The following NR1H4 variants were observed in gnomAD, a reference collection of about 807,000 sequenced individuals.
NR1H4 encodes nuclear receptor subfamily 1 group H member 4.
NR1H4 carries 23 observed loss-of-function variants against 58.5 expected under a neutral mutation model. The ratio of observed to expected loss-of-function variants is 0.39; its 90% confidence interval spans 0.28 to 0.56. The LOEUF (loss-of-function observed/expected upper bound fraction) is 0.56, where lower values mean the gene tolerates loss of function less well. Ranked by LOEUF, NR1H4 falls within the 20% of genes least tolerant of loss-of-function variation. NR1H4 has a pLI of 0.58. For missense variants in NR1H4, 487 were observed against 576.9 expected, an observed-to-expected ratio of 0.84 and a Z score of 1.60; for synonymous variants, 214 against 198.0, an observed-to-expected ratio of 1.08 and a Z score of -0.68.
intron 3 of NR1H4, among the ~76,000 whole-genome samples, chr12:100,497,074 A>G (rs867613759): frequency 2.0e-5 from 3 of 152,140 alleles, no homozygotes; most frequent in Admixed American, 6.5e-5. Context: ...AGGGAAAACC[A>G]AAGAGGTCAG....
In NR1H4 at chr12:100,551,071, T is replaced by C. The variant is rs1375194806; in HGVS notation, c.1078+10253T>C. ...CTCAGAGCCCAGCACTCTTTCTATA[T>C]GTGGCATCTGTCACTCACCAATTTC... On this transcript the variant is annotated intron_variant, in intron 9 of 10. Transcript: ENST00000392986. Among the ~76,000 whole-genome samples the C allele has an allele frequency of 3.3e-5, 5 of 152,206 alleles. No homozygotes were observed. The East Asian group carries it at 9.6e-4, about 29-fold the overall frequency.
chr12:100,562,075 T>G, intron 10 of NR1H4, 77 bp downstream of exon 10: 1 of 755,600 alleles, frequency 1.3e-6, no homozygotes, highest in South Asian at 1.5e-5. Context: ...GAAAAAAATC[T>G]GGAAAACATA....
At chr12:100,498,376 T>C (rs1953759944) in intron 3 of NR1H4, among the ~76,000 whole-genome samples, 1 of 152,170 alleles carries the variant, frequency 6.6e-6, no homozygotes, top group Non-Finnish European at 1.5e-5. Flanking sequence ...CGGGGGCTCA[T>C]GCCTGTAATC....
At chr12:100,527,429 A>T (rs1450091059) in intron 4 of NR1H4, among the ~76,000 whole-genome samples, 1 of 152,188 alleles carries the variant, frequency 6.6e-6, no homozygotes, top group Non-Finnish European at 1.5e-5. Flanking sequence ...GCTACTCAGG[A>T]GGCTGAGGTG....
At chr12:100,521,308 G>A (rs1954411318) in intron 4 of NR1H4, among the ~76,000 whole-genome samples, 1 of 152,084 alleles carries the variant, frequency 6.6e-6, no homozygotes, top group African/African-American at 2.4e-5. Flanking sequence ...TAATAACTTG[G>A]GAACACAAGC....
At position 100,500,804 on chromosome 12, in the gene NR1H4, G is replaced by A. The variant is rs188438927; in HGVS notation, c.79+7402G>A. On this transcript the variant is annotated intron_variant, in intron 3 of 10. Coordinates refer to ENST00000392986, the MANE Select transcript of NR1H4 (RefSeq NM_001206979.2). ...TTGCTGCCCTTTCACCTTCTACCAC[G>A]ATTATAAGTTTCCTGAGACTTCCCC... is the stretch of plus-strand genomic sequence containing the variant. 3.0e-3 allele frequency among the ~76,000 whole-genome samples: 462 copies of A among 152,162 alleles called. 5 individuals carry two copies. Among genetic ancestry groups the A allele is most frequent in the Non-Finnish European group, 4.9e-4 (33 of 68,016 alleles).
chr12:100,508,814 C>A (rs1473356321), intron 3 of NR1H4, among the ~76,000 whole-genome samples: 1 of 152,172 alleles, frequency 6.6e-6, no homozygotes, highest in East Asian at 1.9e-4. Context: ...CCCCAAAAAA[C>A]CACGTTTTTC....
chr12:100,532,327 G>C, intron 4 of NR1H4, 131 bp from the exon 5 acceptor site: 1 of 746,512 alleles, frequency 1.3e-6, no homozygotes, highest in Non-Finnish European at 2.4e-6. Flanking sequence ...TGTCACTGGT[G>C]TGCTCAAGGA....
chr12:100,553,999 G>T (rs528663623), intron 9 of NR1H4, among the ~76,000 whole-genome samples: 76 of 152,340 alleles, frequency 5.0e-4, no homozygotes, highest in African/African-American at 1.8e-3. Flanking sequence ...ACCTTGGGCT[G>T]GAGCTGGGAT....
chr12:100,515,981 A>G (rs1954255369), intron 4 of NR1H4, among the ~76,000 whole-genome samples: 1 of 152,226 alleles, frequency 6.6e-6, no homozygotes, highest in Non-Finnish European at 1.5e-5. Context: ...ATTTCTGGGA[A>G]AGGGGCCCAA....
At chr12:100,525,385 A>G (rs544582665) in intron 4 of NR1H4, 2 of 152,268 alleles carry the variant, frequency 1.3e-5, no homozygotes, top group East Asian at 3.9e-4. Flanking sequence ...TACGTTGGAG[A>G]TAGGGCTTGG....
chr12:100,559,887 G>A (rs1473941998), intron 9 of NR1H4, among the ~76,000 whole-genome samples: 1 of 152,210 alleles, frequency 6.6e-6, no homozygotes, highest in Non-Finnish European at 1.5e-5. Flanking sequence ...TCTAGCTCAG[G>A]GATTATAAAC....
At chr12:100,543,808 ATG>A (rs1954994114) in intron 9 of NR1H4, among the ~76,000 whole-genome samples, 1 of 152,136 alleles carries the variant, frequency 6.6e-6, no homozygotes, top group African/African-American at 2.4e-5. Context: ...TTTCACATGT[ATG>A]GGTATAATTG....
intron 8 of NR1H4, among the ~76,000 whole-genome samples, chr12:100,539,597 A>C (rs770349660): frequency 6.6e-6 from 1 of 152,178 alleles, no homozygotes; most frequent in Non-Finnish European, 1.5e-5. Context: ...CAGCATGCAC[A>C]TGAGCTTGTG....
chr12:100,493,973 A>G (rs139154654), intron 3 of NR1H4, among the ~76,000 whole-genome samples: 1 of 152,342 alleles, frequency 6.6e-6, no homozygotes, highest in African/African-American at 2.4e-5. Flanking sequence ...TATGAAAAAC[A>G]TCTCATTATA....
Position 100,503,330 on chromosome 12 carries a change from T to C in NR1H4, c.80-7448T>C. The C allele has an allele frequency of 3.2e-6, 5 of 1,560,542 alleles. No homozygotes were observed. The South Asian group carries it at 4.7e-5, about 15-fold the overall frequency. ...AAGTTAATCAGTAAACCACACAACC[T>C]CTGTCCTCTCTCACTCCTTACCTAG... On this transcript the variant is annotated intron_variant, in intron 3 of 10. Transcript: ENST00000392986.
At chr12:100,525,844 C>T (rs934029635) in intron 4 of NR1H4, among the ~76,000 whole-genome samples, 1 of 152,068 alleles carries the variant, frequency 6.6e-6, no homozygotes, top group African/African-American at 2.4e-5. Flanking sequence ...CCAATTTCTC[C>T]TTGTTGAGTT....
chr12:100,488,822 A>C (rs906790809), intron 1 of NR1H4, among the ~76,000 whole-genome samples: 7 of 152,258 alleles, frequency 4.6e-5, no homozygotes, highest in African/African-American at 1.7e-4. Context: ...ATAATACATC[A>C]GAAATTATAT....
intron 4 of NR1H4, among the ~76,000 whole-genome samples, chr12:100,523,826 C>T (rs1469451436): frequency 6.6e-6 from 1 of 152,162 alleles, no homozygotes; most frequent in Non-Finnish European, 1.5e-5. Context: ...CTATTCTAAG[C>T]ATAGGAGATG....
Sources: gnomAD v4.1 joint callset for allele counts (sites outside exome capture counted in the v4.1 genomes callset) on GRCh38, gnomAD v4.1.1 for gene constraint, MANE v1.5 for transcripts, NCBI Gene and HGNC (gene_info 2026-07-23, HGNC 2026-07-21) for gene names.